IL1RAPL1: variants seen among roughly 807,000 people sequenced by gnomAD.
IL1RAPL1 encodes interleukin-1 receptor accessory protein-like 1.
Under a neutral mutation model 48.4 loss-of-function variants are expected in IL1RAPL1, and 3 were observed. That is an observed-to-expected ratio of 0.06 (90% CI 0.03 to 0.16). The LOEUF (loss-of-function observed/expected upper bound fraction) is 0.16. IL1RAPL1 is among the 10% of genes least tolerant of loss of function. IL1RAPL1 has a pLI of 1.00. For missense variants in IL1RAPL1, 349 were observed against 530.6 expected, an observed-to-expected ratio of 0.66 and a Z score of 3.36; for synonymous variants, 185 against 187.7, an observed-to-expected ratio of 0.99 and a Z score of 0.12.
intron 1 of IL1RAPL1, among the ~76,000 whole-genome samples, chrX:28,654,848 C>T (rs757205244): frequency 1.8e-5 from 2 of 111,608 alleles, no homozygotes; most frequent in South Asian, 7.4e-4. Flanking sequence ...TACTTTGACC[C>T]AAAGGAAAAT....
intron 1 of IL1RAPL1, among the ~76,000 whole-genome samples, chrX:28,781,615 C>A (rs1028644043): frequency 1.4e-4 from 16 of 110,577 alleles, no homozygotes; most frequent in Admixed American, 1.1e-3. Context: ...TATAATATAA[C>A]CTAATCATGG....
intron 2 of IL1RAPL1, among the ~76,000 whole-genome samples, chrX:28,965,289 C>T (rs1196245208): frequency 9.0e-6 from 1 of 110,946 alleles, no homozygotes; most frequent in Non-Finnish European, 1.9e-5. Flanking sequence ...TAAATTAGCA[C>T]CTGCATTTCA....
rs763634583 is a variant in IL1RAPL1 at position 29,271,905 on chromosome X, T to C, written c.83-11033T>C. ...TTTTTGCCGTGCAGAAGCTCTTTAG[T>C]TTAATTAGGTCCCATTTGTTTACTT... On this transcript the variant is annotated intron_variant, in intron 2 of 10. Transcript: ENST00000378993. Among the ~76,000 whole-genome samples, 95 of 112,111 alleles carry C rather than the reference T, an allele frequency of 8.5e-4. 1 individual carries two copies. Among genetic ancestry groups the C allele is most frequent in the African/African-American group, 3.0e-3 (93 of 30,914 alleles).
chrX:28,772,772 A>G (rs1206955794), intron 1 of IL1RAPL1, among the ~76,000 whole-genome samples: 1 of 111,872 alleles, frequency 8.9e-6, no homozygotes, highest in East Asian at 2.8e-4. Context: ...TGATTCTGGC[A>G]TGGACAGTAC....
chrX:29,372,668 G>A (rs62588120), intron 3 of IL1RAPL1, among the ~76,000 whole-genome samples: 1,151 of 110,935 alleles, frequency 0.01, 6 homozygotes, highest in Admixed American at 0.017. Flanking sequence ...TATTGAATAG[G>A]AAGTCCGTTC....
intron 5 of IL1RAPL1, among the ~76,000 whole-genome samples, chrX:29,422,425 A>G (rs1317323211): frequency 1.8e-5 from 2 of 111,333 alleles, no homozygotes; most frequent in African/African-American, 6.5e-5. Flanking sequence ...GAACCCCATC[A>G]TAGGCTACAG....
intron 2 of IL1RAPL1, among the ~76,000 whole-genome samples, chrX:29,041,184 T>C (rs1011455147): frequency 2.7e-5 from 3 of 111,788 alleles, no homozygotes; most frequent in African/African-American, 9.7e-5. Flanking sequence ...AAAAACTCAT[T>C]CTTTTCACTT....
chrX:29,430,562 T>C (rs7890611), intron 5 of IL1RAPL1, among the ~76,000 whole-genome samples: 1,514 of 96,646 alleles, frequency 0.016, 23 homozygotes, highest in African/African-American at 0.057. Flanking sequence ...GTGTAAAATA[T>C]ATGACACTTT....
chrX:29,163,214 A>G (rs1004988404), intron 2 of IL1RAPL1, among the ~76,000 whole-genome samples: 2 of 111,729 alleles, frequency 1.8e-5, no homozygotes, highest in Non-Finnish European at 3.8e-5. Flanking sequence ...GGGCCAAAGA[A>G]AGGAAGGTAA....
At chrX:29,810,135 T>C (rs1930350048) in intron 6 of IL1RAPL1, among the ~76,000 whole-genome samples, 1 of 110,775 alleles carries the variant, frequency 9.0e-6, no homozygotes, top group Non-Finnish European at 1.9e-5. Context: ...ATGATTTCAC[T>C]ATACATACAT....
At chrX:28,620,350 T>C (rs1353191805) in intron 1 of IL1RAPL1, among the ~76,000 whole-genome samples, 1 of 111,981 alleles carries the variant, frequency 8.9e-6, no homozygotes, top group East Asian at 2.8e-4. Flanking sequence ...GGAATGCCTC[T>C]TGTCTCCCCA....
intron 6 of IL1RAPL1, among the ~76,000 whole-genome samples, chrX:29,782,250 A>G (rs1234776872): frequency 9.0e-6 from 1 of 111,170 alleles, no homozygotes; most frequent in African/African-American, 3.3e-5. Flanking sequence ...CCAATTTACC[A>G]TTGTACAATT....
intron 6 of IL1RAPL1, among the ~76,000 whole-genome samples, chrX:29,737,426 G>A (rs931726613): frequency 2.7e-5 from 3 of 111,835 alleles, no homozygotes; most frequent in African/African-American, 9.8e-5. Context: ...GTAGGTCATA[G>A]GACTTGCTAC....
intron 5 of IL1RAPL1, among the ~76,000 whole-genome samples, chrX:29,569,736 G>A (rs1341331941): frequency 1.8e-5 from 2 of 111,583 alleles, no homozygotes; most frequent in African/African-American, 6.5e-5. Context: ...TTATGGTCGC[G>A]TTAAAATGTC....
At chrX:29,236,535 CTT>C (rs759738945) in intron 2 of IL1RAPL1, among the ~76,000 whole-genome samples, 1,169 of 58,956 alleles carry the variant, frequency 0.02, 21 homozygotes, top group African/African-American at 0.061. Flanking sequence ...CTTTCTTTTT[CTT>C]TTTTTTTCTT....
chrX:29,199,375 A>G (rs1930509534), intron 2 of IL1RAPL1, among the ~76,000 whole-genome samples: 1 of 111,317 alleles, frequency 9.0e-6, no homozygotes, highest in African/African-American at 3.3e-5. Context: ...ATGCTCTTAT[A>G]TACTTAAATT....
chrX:28,953,809 G>A (rs1242895818), intron 2 of IL1RAPL1, among the ~76,000 whole-genome samples: 1 of 110,615 alleles, frequency 9.0e-6, no homozygotes, highest in Non-Finnish European at 1.9e-5. Flanking sequence ...TCATTTAAAG[G>A]CAGTTACTTT....
chrX:29,146,933 GA>G (rs1929363464), intron 2 of IL1RAPL1, among the ~76,000 whole-genome samples: 1 of 112,138 alleles, frequency 8.9e-6, no homozygotes, highest in Non-Finnish European at 1.9e-5. Flanking sequence ...ACTCTGAGAA[GA>G]AAAAAATTAA....
intron 2 of IL1RAPL1, among the ~76,000 whole-genome samples, chrX:29,125,492 T>C (rs1318838825): frequency 1.8e-5 from 2 of 112,200 alleles, no homozygotes; most frequent in African/African-American, 6.5e-5. Context: ...CCCTGGAAAC[T>C]GCAGATGATA....
Sources: gnomAD v4.1 joint callset for allele counts (sites outside exome capture counted in the v4.1 genomes callset) on GRCh38, gnomAD v4.1.1 for gene constraint, MANE v1.5 for transcripts, NCBI Gene and HGNC (gene_info 2026-07-23, HGNC 2026-07-21) for gene names.